Variants in DENND1A observed in about 807,000 individuals in gnomAD.
DENND1A encodes the protein DENN domain containing 1A.
DENND1A carries 51 observed loss-of-function variants against 113.7 expected under a neutral mutation model. The observed-to-expected ratio is 0.45, with a 90% CI of 0.36 to 0.57. The LOEUF (loss-of-function observed/expected upper bound fraction) is 0.57. DENND1A is among the 20% of genes least tolerant of loss of function. The probability of loss-of-function intolerance (pLI) is 0.00; values close to 1 mark genes in which losing one functional copy is unlikely to be tolerated. For missense variants in DENND1A, 1,258 were observed against 1,395.9 expected, an observed-to-expected ratio of 0.90 and a Z score of 1.57; for synonymous variants, 565 against 570.8, an observed-to-expected ratio of 0.99 and a Z score of 0.14.
chr9:123,429,972 T>G (rs1271074571), intron 19 of DENND1A, among the ~76,000 whole-genome samples: 2 of 151,660 alleles, frequency 1.3e-5, no homozygotes, highest in African/African-American at 4.9e-5. Context: ...ATATCCAGAG[T>G]CTACAAGGGA....
rs1453569029 is a variant in DENND1A at position 123,887,602 on chromosome 9, T to A, written c.18-8581A>T. On this transcript the variant is annotated intron_variant, in intron 1 of 23. Coordinates refer to ENST00000394215, the MANE Select transcript of DENND1A (RefSeq NM_001352964.2). Reference sequence around the variant, plus strand: ...TAGGGCCCCCGAGAATGGAGGCCAGTGCCCAAGCAGGCATGAGGAGATCGT... The same window carrying A: ...TAGGGCCCCCGAGAATGGAGGCCAGAGCCCAAGCAGGCATGAGGAGATCGT... Among the ~76,000 whole-genome samples, 3 of 149,296 alleles carry A rather than the reference T, an allele frequency of 2.0e-5. 1 individual carries two copies. In the East Asian group the frequency reaches 6.0e-4, roughly 30 times the overall value.
At chr9:123,535,674 GC>G (rs2135454890) in intron 13 of DENND1A, among the ~76,000 whole-genome samples, 1 of 152,292 alleles carries the variant, frequency 6.6e-6, no homozygotes, top group African/African-American at 2.4e-5. Flanking sequence ...CTATTTGAAT[GC>G]CGGTGACTTC....
At chr9:123,497,236 C>T (rs1440571121) in intron 13 of DENND1A, among the ~76,000 whole-genome samples, 1 of 152,248 alleles carries the variant, frequency 6.6e-6, no homozygotes, top group Non-Finnish European at 1.5e-5. Context: ...GACTGCCCAA[C>T]ACAGGGCCAG....
chr9:123,803,880 C>T (rs1431518609), intron 2 of DENND1A, among the ~76,000 whole-genome samples: 1 of 152,248 alleles, frequency 6.6e-6, no homozygotes, highest in Non-Finnish European at 1.5e-5. Context: ...CAAGCTTTCA[C>T]CTCACCGCTT....
intron 13 of DENND1A, among the ~76,000 whole-genome samples, chr9:123,512,260 C>T (rs773961924): frequency 6.6e-5 from 10 of 152,144 alleles, no homozygotes; most frequent in Admixed American, 1.3e-4. Flanking sequence ...ATGAAGAGGC[C>T]GGGGAATAAA....
In DENND1A at chr9:123,764,234, G is replaced by A. The variant is rs953942116; in HGVS notation, c.182+5280C>T. Among the ~76,000 whole-genome samples the A allele has an allele frequency of 6.6e-6, 1 of 152,118 alleles. No individual in the cohort carries two copies. The highest frequency in any genetic ancestry group is 1.5e-5 in the Non-Finnish European group (1 of 68,006). ...GATAACTAGCATATAGTAGGTACCT[G>A]ACAAAAATGATCATCACTACTGTTA... On this transcript the variant is annotated intron_variant, in intron 4 of 23. Coordinates refer to ENST00000394215, the MANE Select transcript of DENND1A (RefSeq NM_001352964.2). The surrounding 1 kb of genome is among the most constrained non-coding windows in gnomAD (Gnocchi z 4.1).
rs112856844 is a variant in DENND1A at position 123,545,014 on chromosome 9, C to T, written c.993+12556G>A. Among the ~76,000 whole-genome samples, 167 of 151,904 alleles carry T rather than the reference C, an allele frequency of 1.1e-3. 1 individual carries two copies. In the South Asian group the frequency reaches 0.012, roughly 11 times the overall value. On this transcript the variant is annotated intron_variant, in intron 13 of 23. Coordinates refer to ENST00000394215, the MANE Select transcript of DENND1A (RefSeq NM_001352964.2). ...TTGGGAGGCTGAGGCAGGAGAATGG[C>T]GTGAACCCGGGAGGTGGAGCTTGCA...
chr9:123,434,171 C>T (rs535669135), intron 19 of DENND1A, among the ~76,000 whole-genome samples: 12 of 152,166 alleles, frequency 7.9e-5, no homozygotes, highest in African/African-American at 2.2e-4. Context: ...GGACTACAGG[C>T]GCATGCCATC....
intron 5 of DENND1A, among the ~76,000 whole-genome samples, chr9:123,720,088 C>T (rs1226484412): frequency 6.6e-6 from 1 of 152,180 alleles, no homozygotes; most frequent in Non-Finnish European, 1.5e-5. Flanking sequence ...GGAAAATATA[C>T]TCAATTACCC....
chr9:123,574,167 A>G (rs893608643), intron 12 of DENND1A, among the ~76,000 whole-genome samples: 1 of 132,260 alleles, frequency 7.6e-6, no homozygotes, highest in African/African-American at 2.8e-5. Flanking sequence ...ATTGGTCTGT[A>G]GTTGCCTTTT....
At chr9:123,385,805 A>AG (rs2042534739) in intron 22 of DENND1A, among the ~76,000 whole-genome samples, 1 of 152,218 alleles carries the variant, frequency 6.6e-6, no homozygotes, top group African/African-American at 2.4e-5. Flanking sequence ...GCCAAGCTTG[A>AG]GAGGCTTCAA....
chr9:123,616,466 C>T (rs557795698), intron 10 of DENND1A, among the ~76,000 whole-genome samples: 3 of 152,260 alleles, frequency 2.0e-5, no homozygotes, highest in African/African-American at 7.2e-5. Flanking sequence ...GCCTTACTAG[C>T]TGGAATTGAC....
intron 2 of DENND1A, among the ~76,000 whole-genome samples, chr9:123,818,345 C>G (rs533469635): frequency 6.6e-6 from 1 of 152,028 alleles, no homozygotes; most frequent in African/African-American, 2.4e-5. Context: ...ACCTTATGAT[C>G]CGCCCGCCTA....
chr9:123,412,821 G>A (rs2044417437), intron 19 of DENND1A, among the ~76,000 whole-genome samples: 1 of 152,154 alleles, frequency 6.6e-6, no homozygotes, highest in African/African-American at 2.4e-5. Context: ...TGCCCATTCC[G>A]TCACTCAGGT....
intron 5 of DENND1A, among the ~76,000 whole-genome samples, chr9:123,736,177 A>C (rs2068548085): frequency 6.6e-6 from 1 of 152,220 alleles, no homozygotes; most frequent in Non-Finnish European, 1.5e-5. Flanking sequence ...AATAAACAAA[A>C]GAAGGTCTTC....
intron 3 of DENND1A, 68 bp downstream of exon 3, chr9:123,792,519 A>G (rs1458317473): frequency 6.7e-7 from 1 of 1,490,528 alleles, no homozygotes; most frequent in South Asian, 1.2e-5. Context: ...TAAAAAGAAC[A>G]GTAATAATAT....
At chr9:123,748,762 G>A (rs959977507) in intron 5 of DENND1A, among the ~76,000 whole-genome samples, 4 of 152,152 alleles carry the variant, frequency 2.6e-5, no homozygotes, top group African/African-American at 4.8e-5. Context: ...TTGCAGGGAG[G>A]TCCAAGAAAA....
chr9:123,878,930 A>C (rs967554234), intron 2 of DENND1A, 21 bp downstream of exon 2: 1 of 1,612,764 alleles, frequency 6.2e-7, no homozygotes. Context: ...ACACCATATC[A>C]TAATCAAACA....
intron 5 of DENND1A, among the ~76,000 whole-genome samples, chr9:123,698,365 C>A (rs1322316814): frequency 2.0e-5 from 3 of 152,228 alleles, no homozygotes; most frequent in Non-Finnish European, 4.4e-5. Flanking sequence ...GAACCTAAAT[C>A]TCTCTAGCTT....
Sources: gnomAD v4.1 joint callset for allele counts (sites outside exome capture counted in the v4.1 genomes callset) on GRCh38, gnomAD v4.1.1 for gene constraint, Gnocchi (gnomAD v3.1) non-coding constraint, MANE v1.5 for transcripts, NCBI Gene and HGNC (gene_info 2026-07-23, HGNC 2026-07-21) for gene names.